The following DLG2 variants were observed in gnomAD, a reference collection of about 807,000 sequenced individuals.
DLG2 encodes the protein disks large homolog 2.
In DLG2, 45 loss-of-function variants were observed where a neutral mutation model predicts 132.5. The ratio of observed to expected loss-of-function variants is 0.34; its 90% CI spans 0.27 to 0.44. The LOEUF is 0.44. Ranked by LOEUF, DLG2 falls within the 20% of genes least tolerant of loss-of-function variation. The pLI, the probability that DLG2 is intolerant of heterozygous loss-of-function variation, is 1.00. For missense variants in DLG2, 1,045 were observed against 1,196.9 expected (o/e 0.87, Z 1.87); for synonymous variants, 424 against 419.6 (o/e 1.01, Z -0.13).
intron 6 of DLG2, among the ~76,000 whole-genome samples, chr11:84,936,533 AG>A (rs376259814): frequency 3.3e-4 from 50 of 152,248 alleles, no homozygotes; most frequent in African/African-American, 1.2e-3. Context: ...ATATTTGATA[AG>A]GAAGATATAT....
intron 3 of DLG2, among the ~76,000 whole-genome samples, chr11:85,428,003 A>G (rs552807669): frequency 1.3e-5 from 2 of 152,326 alleles, no homozygotes; most frequent in Non-Finnish European, 2.9e-5. Context: ...CAGACTTTAA[A>G]CCAACAAAGA....
intron 6 of DLG2, among the ~76,000 whole-genome samples, chr11:84,742,526 T>G (rs558408255): frequency 6.6e-6 from 1 of 152,108 alleles, no homozygotes; most frequent in Non-Finnish European, 1.5e-5. Context: ...AACAACCAAA[T>G]TGAGAGAAAG....
chr11:83,947,100 A>G (rs11233840), intron 14 of DLG2, among the ~76,000 whole-genome samples: 11,675 of 143,362 alleles, frequency 0.081, 611 homozygotes, highest in Non-Finnish European at 0.12. Context: ...GTTGCTATGC[A>G]TATATTTAAT....
At chr11:84,976,352 C>T (rs543664000) in intron 6 of DLG2, among the ~76,000 whole-genome samples, 79 of 152,158 alleles carry the variant, frequency 5.2e-4, no homozygotes, top group Non-Finnish European at 8.5e-4. Flanking sequence ...GCTGTACCCA[C>T]GACTGTAAGA....
intron 19 of DLG2, among the ~76,000 whole-genome samples, chr11:83,566,321 A>G (rs2096708645): frequency 6.6e-6 from 1 of 152,178 alleles, no homozygotes; most frequent in South Asian, 2.1e-4. Context: ...CCTGTCCTGA[A>G]GCCTGTGCTC....
chr11:84,329,558 C>G (rs746590501), intron 7 of DLG2, among the ~76,000 whole-genome samples: 28 of 152,216 alleles, frequency 1.8e-4, no homozygotes, highest in Non-Finnish European at 3.7e-4. Context: ...TATCAGTTTA[C>G]TGAGGCCTCC....
At chr11:83,952,301 C>A (rs1024726733) in intron 14 of DLG2, among the ~76,000 whole-genome samples, 1 of 151,924 alleles carries the variant, frequency 6.6e-6, no homozygotes, top group Non-Finnish European at 1.5e-5. Flanking sequence ...GAACTGAGAT[C>A]GAGCCACTGA....
At chr11:83,860,674 G>A (rs961671896) in intron 16 of DLG2, among the ~76,000 whole-genome samples, 2 of 152,098 alleles carry the variant, frequency 1.3e-5, no homozygotes, top group Admixed American at 1.3e-4. Flanking sequence ...AGACTTTGGG[G>A]GACTGTTGGG....
intron 4 of DLG2, among the ~76,000 whole-genome samples, chr11:85,216,512 T>C (rs2082605884): frequency 6.6e-6 from 1 of 152,198 alleles, no homozygotes; most frequent in African/African-American, 2.4e-5. Context: ...GGGAGATTCC[T>C]AGGAAAGTTA....
At chr11:84,190,192 T>C (rs1205078181) in intron 8 of DLG2, among the ~76,000 whole-genome samples, 1 of 149,724 alleles carries the variant, frequency 6.7e-6, no homozygotes, top group Non-Finnish European at 1.5e-5. Context: ...AAAAAGTGAA[T>C]TGGAGAGAGA....
chr11:85,363,857 G>A (rs1178575878), intron 3 of DLG2, among the ~76,000 whole-genome samples: 11 of 152,116 alleles, frequency 7.2e-5, no homozygotes, highest in Non-Finnish European at 1.5e-5. Flanking sequence ...CTCTTCCCAT[G>A]CAATGCAGGG....
intron 6 of DLG2, among the ~76,000 whole-genome samples, chr11:84,795,737 G>A (rs1166755319): frequency 1.3e-5 from 2 of 152,162 alleles, no homozygotes; most frequent in East Asian, 1.9e-4. Context: ...GAGCCTGGAT[G>A]TAGACGCTTC....
In DLG2 at chr11:83,691,033, C is replaced by T. The variant is rs116609080; in HGVS notation, c.1826-57708G>A. The stretch of plus-strand genomic sequence containing the variant: ...GCCCTTGACAAAACAAGTTTGCTGG[C>T]CCCTTGTGTATATGACTGGAGTCTA... On this transcript the variant is annotated intron_variant, in intron 18 of 27. Transcript: ENST00000376104. 9.4e-3 allele frequency among the ~76,000 whole-genome samples: 1,428 copies of T among 152,214 alleles called. 22 individuals carry two copies. The highest frequency in any genetic ancestry group is 0.032 in the African/African-American group (1,311 of 41,534).
chr11:84,792,422 G>A lies in DLG2; in HGVS notation c.358-257691C>T, dbSNP rs551359083. Reference sequence around the variant, plus strand: ...ATGTGTCTGTCTGATTTTTGTATGAGGTTAATACTGGCCGTATAGAATGAA... The same window carrying A: ...ATGTGTCTGTCTGATTTTTGTATGAAGTTAATACTGGCCGTATAGAATGAA... On this transcript the variant is annotated intron_variant, in intron 6 of 27. Coordinates refer to ENST00000376104, the MANE Select transcript of DLG2 (RefSeq NM_001142699.3). Among the ~76,000 whole-genome samples, 56 of 152,116 alleles carry A rather than the reference G, an allele frequency of 3.7e-4. 2 individuals carry two copies. The South Asian group carries it at 0.011, about 30-fold the overall frequency.
chr11:84,941,280 T>C (rs182458517), intron 6 of DLG2, among the ~76,000 whole-genome samples: 3 of 152,346 alleles, frequency 2.0e-5, no homozygotes, highest in African/African-American at 7.2e-5. Flanking sequence ...ATTGGTATTT[T>C]GATAGGGATT....
Position 85,154,554 on chromosome 11 carries a change from A to T in DLG2, c.282+2T>A. 1.4e-6 allele frequency: 2 copies of T among 1,409,156 alleles called. No homozygotes were observed. The highest frequency in any genetic ancestry group is 2.0e-6 in the Non-Finnish European group (2 of 1,020,928). 87.3% of individuals were successfully genotyped at this position (1,409,156 alleles called of 1,614,324 possible). On this transcript the variant is annotated splice_donor_variant, in intron 5 of 27. Transcript: ENST00000376104. LOFTEE classifies it high-confidence loss of function. ...AAGAAAAGAAAACAGTATAACACTT[A>T]CAGTTGTCGTCTCATCAGTTTCATT...
chr11:84,176,195 G>C (rs1362005668), intron 8 of DLG2, among the ~76,000 whole-genome samples: 1 of 151,434 alleles, frequency 6.6e-6, no homozygotes, highest in Non-Finnish European at 1.5e-5. Context: ...ATGCCACACT[G>C]GTCTCTTTTA....
Position 85,503,053 on chromosome 11 carries a change from A to G in DLG2, c.40+95604T>C, listed in dbSNP as rs550983324. ...AAGAAACTCATAAGCATACTCCCGTATGAAGAAGAAAGAACCAAAAGAATA... is the reference window on the plus strand; with the variant it reads ...AAGAAACTCATAAGCATACTCCCGTGTGAAGAAGAAAGAACCAAAAGAATA... On this transcript the variant is annotated intron_variant, in intron 3 of 27. Transcript: ENST00000376104. Among the ~76,000 whole-genome samples the G allele has an allele frequency of 9.2e-5, 14 of 152,278 alleles. No homozygotes were observed. The South Asian group carries it at 2.7e-3, about 29-fold the overall frequency.
At chr11:85,405,891 A>G (rs2088679337) in intron 3 of DLG2, among the ~76,000 whole-genome samples, 2 of 152,038 alleles carry the variant, frequency 1.3e-5, no homozygotes, top group South Asian at 4.1e-4. Flanking sequence ...TTAAGGAAAT[A>G]GATCAGAAGA....
Sources: allele counts gnomAD v4.1 joint callset (sites outside exome capture counted in the v4.1 genomes callset), GRCh38; gene constraint gnomAD v4.1.1; transcripts MANE v1.5; gene names NCBI Gene and HGNC (gene_info 2026-07-23, HGNC 2026-07-21).